Variants in CSMD1 observed in about 807,000 individuals in gnomAD.
The protein encoded by CSMD1 is CUB and Sushi multiple domains 1, also known as CUB and sushi domain-containing protein 1.
In CSMD1, 213 loss-of-function variants were observed where a neutral mutation model predicts 417.5. The ratio of observed to expected loss-of-function variants is 0.51; its 90% CI spans 0.46 to 0.57. The LOEUF is 0.57. Ranked by LOEUF, CSMD1 falls within the 20% of genes least tolerant of loss-of-function variation. CSMD1 has a pLI of 0.00. For missense variants in CSMD1, 6,923 were observed against 4,529.7 expected, an observed-to-expected ratio of 1.53 and a Z score of -15.17; for synonymous variants, 2,862 against 1,736.8, an observed-to-expected ratio of 1.65 and a Z score of -16.11.
intron 1 of CSMD1, among the ~76,000 whole-genome samples, chr8:4,950,103 G>A (rs1436151561): frequency 8.7e-6 from 1 of 115,546 alleles, no homozygotes. Context: ...ATAAAACATA[G>A]AAATGTTTCA....
rs187524477 is a variant in CSMD1, at chr8:4,650,180, A to G, written c.86-12622T>C. Among the ~76,000 whole-genome samples the G allele has an allele frequency of 5.5e-3, 831 of 151,754 alleles. 8 individuals carry two copies. Among genetic ancestry groups the G allele is most frequent in the African/African-American group, 0.019 (797 of 41,386 alleles). On this transcript the variant is annotated intron_variant, in intron 1 of 69. Coordinates refer to ENST00000635120, the MANE Select transcript of CSMD1 (RefSeq NM_033225.6). ...CTAACACGGTGAAACCCCGTCTCTAATAAAAATCCAAAAAATTAGCCGGGT... is the reference window on the plus strand; with the variant it reads ...CTAACACGGTGAAACCCCGTCTCTAGTAAAAATCCAAAAAATTAGCCGGGT...
chr8:3,297,622 C>A (rs570912413), intron 25 of CSMD1, among the ~76,000 whole-genome samples: 1 of 152,068 alleles, frequency 6.6e-6, no homozygotes, highest in Non-Finnish European at 1.5e-5. Flanking sequence ...ATCTGTGACA[C>A]TTCAGTCTCC....
chr8:3,989,439 C>T (rs1221532240), intron 5 of CSMD1, among the ~76,000 whole-genome samples: 1 of 152,160 alleles, frequency 6.6e-6, no homozygotes, highest in Non-Finnish European at 1.5e-5. Flanking sequence ...AGAGCGGCTT[C>T]TTAGCATGCT....
intron 16 of CSMD1, among the ~76,000 whole-genome samples, chr8:3,396,824 C>T (rs896635876): frequency 2.0e-5 from 3 of 151,852 alleles, no homozygotes; most frequent in Non-Finnish European, 2.9e-5. Flanking sequence ...AGAGTGAAAT[C>T]ATCTCTTAAA....
At chr8:3,999,797 C>G (rs1342075985) in intron 4 of CSMD1, among the ~76,000 whole-genome samples, 1 of 152,156 alleles carries the variant, frequency 6.6e-6, no homozygotes, top group Non-Finnish European at 1.5e-5. Flanking sequence ...ATCAAGACTA[C>G]ATGAGGGATG....
intron 3 of CSMD1, among the ~76,000 whole-genome samples, chr8:4,040,340 T>C (rs1007905739): frequency 6.6e-6 from 1 of 152,318 alleles, no homozygotes; most frequent in African/African-American, 2.4e-5. Flanking sequence ...TATCAGTAAG[T>C]ACTATTATTA....
At chr8:4,074,189 T>G (rs1799704126) in intron 3 of CSMD1, among the ~76,000 whole-genome samples, 1 of 152,086 alleles carries the variant, frequency 6.6e-6, no homozygotes, top group Non-Finnish European at 1.5e-5. Flanking sequence ...AATTAGTTAA[T>G]GTCACTATGC....
At chr8:4,735,258 G>C (rs898608423) in intron 1 of CSMD1, among the ~76,000 whole-genome samples, 1 of 152,112 alleles carries the variant, frequency 6.6e-6, no homozygotes, top group Non-Finnish European at 1.5e-5. Context: ...CACTGAAAAA[G>C]CCTAAGGTCT....
At chr8:3,691,728 C>G (rs938621829) in intron 7 of CSMD1, among the ~76,000 whole-genome samples, 4 of 151,934 alleles carry the variant, frequency 2.6e-5, no homozygotes, top group African/African-American at 9.7e-5. Flanking sequence ...AATATTATCG[C>G]TATTTTAGAA....
intron 23 of CSMD1, among the ~76,000 whole-genome samples, chr8:3,326,977 G>GA (rs1806573967): frequency 6.6e-6 from 1 of 151,402 alleles, no homozygotes; most frequent in African/African-American, 2.4e-5. Flanking sequence ...AGGAGCTCAA[G>GA]ACCTGCCTGG....
chr8:3,695,974 G>C (rs1055053637), intron 7 of CSMD1, among the ~76,000 whole-genome samples: 2 of 152,086 alleles, frequency 1.3e-5, no homozygotes, highest in Non-Finnish European at 2.9e-5. Context: ...TGAAGATATG[G>C]GATAGTTTTT....
intron 1 of CSMD1, among the ~76,000 whole-genome samples, chr8:4,815,460 C>G (rs1264139347): frequency 1.3e-5 from 2 of 152,004 alleles, no homozygotes; most frequent in Non-Finnish European, 2.9e-5. Context: ...CTTTGGGAGG[C>G]TGAGGTGGGA....
At chr8:3,324,307 G>A (rs1806367644) in intron 23 of CSMD1, among the ~76,000 whole-genome samples, 1 of 151,594 alleles carries the variant, frequency 6.6e-6, no homozygotes. Context: ...ACCCAGGAGG[G>A]GGAGTTTCCT....
chr8:4,361,604 A>G (rs1801769412), intron 3 of CSMD1, among the ~76,000 whole-genome samples: 1 of 152,020 alleles, frequency 6.6e-6, no homozygotes, highest in Non-Finnish European at 1.5e-5. Flanking sequence ...CCTATTTTAT[A>G]CTCCCAACTC....
chr8:3,027,189 G>A (rs944834204), intron 51 of CSMD1, among the ~76,000 whole-genome samples: 126 of 151,518 alleles, frequency 8.3e-4, no homozygotes, highest in Non-Finnish European at 1.6e-3. Flanking sequence ...CTTTTGGGGG[G>A]AAAAAAAAGA....
chr8:3,191,895 T>C (rs1466483160), intron 33 of CSMD1, among the ~76,000 whole-genome samples: 2 of 152,222 alleles, frequency 1.3e-5, no homozygotes, highest in African/African-American at 2.4e-5. Flanking sequence ...TGTTTCTTCA[T>C]CCTAAATGCA....
intron 5 of CSMD1, among the ~76,000 whole-genome samples, chr8:3,804,944 T>G (rs557140508): frequency 6.6e-6 from 1 of 152,310 alleles, no homozygotes; most frequent in East Asian, 1.9e-4. Context: ...AATGAATGAC[T>G]TCTCCACCTC....
chr8:4,155,154 G>C (rs962208164), intron 3 of CSMD1, among the ~76,000 whole-genome samples: 2 of 152,172 alleles, frequency 1.3e-5, no homozygotes, highest in East Asian at 1.9e-4. Flanking sequence ...TGAGATAAAA[G>C]AGGCACTGAC....
chr8:3,289,768 C>T (rs1325939675), intron 25 of CSMD1, among the ~76,000 whole-genome samples: 7 of 147,240 alleles, frequency 4.8e-5, no homozygotes, highest in South Asian at 2.1e-4. Context: ...TTCTCCCATT[C>T]TGTAGGTTGC....
Sources: gnomAD v4.1 joint callset for allele counts (sites outside exome capture counted in the v4.1 genomes callset) on GRCh38, gnomAD v4.1.1 for gene constraint, MANE v1.5 for transcripts, NCBI Gene and HGNC (gene_info 2026-07-23, HGNC 2026-07-21) for gene names.